The following TRIM24 variants were observed in gnomAD, a reference collection of about 807,000 sequenced individuals.
TRIM24 encodes the protein tripartite motif containing 24, also known as transcription intermediary factor 1-alpha.
TRIM24 carries 29 observed loss-of-function variants against 123.9 expected under a neutral mutation model. The ratio of observed to expected loss-of-function variants is 0.23; its 90% CI spans 0.17 to 0.32. TRIM24 has a LOEUF of 0.32. TRIM24 is among the 10% of genes least tolerant of loss of function. TRIM24 has a pLI of 1.00. For missense variants in TRIM24, 932 were observed against 1,295.3 expected (o/e 0.72, Z 4.31); for synonymous variants, 456 against 461.1 (o/e 0.99, Z 0.14).
At chr7:138,467,919 A>G (rs117593251) in intron 1 of TRIM24, among the ~76,000 whole-genome samples, 1,971 of 151,266 alleles carry the variant, frequency 0.013, 23 homozygotes, top group Non-Finnish European at 0.018. Context: ...TGTTTCAAGG[A>G]CTCCTTAGGA....
Position 138,466,373 on chromosome 7 carries a change from A to G in TRIM24, c.364+5461A>G, listed in dbSNP as rs757776892. On this transcript the variant is annotated intron_variant, in intron 1 of 18. Coordinates refer to ENST00000343526, the MANE Select transcript of TRIM24 (RefSeq NM_015905.3). The stretch of plus-strand genomic sequence containing the variant: ...GTTTTGGTTTTCATTTCTCTGATGA[A>G]TAATGATGAGCATCTTTTCTTGTGC... Among the ~76,000 whole-genome samples, 3 of 152,002 alleles carry G rather than the reference A, an allele frequency of 2.0e-5. No individual in the cohort carries two copies. The South Asian group carries it at 6.2e-4, about 31-fold the overall frequency.
intron 7 of TRIM24, among the ~76,000 whole-genome samples, chr7:138,547,256 AG>A (rs2116623790): frequency 6.6e-6 from 1 of 152,300 alleles, no homozygotes; most frequent in East Asian, 1.9e-4. Context: ...GGGTATTGGA[AG>A]GGATGTTGAT....
At chr7:138,547,200 C>T (rs1291952784) in intron 7 of TRIM24, among the ~76,000 whole-genome samples, 3 of 152,100 alleles carry the variant, frequency 2.0e-5, no homozygotes, top group Admixed American at 2.0e-4. Context: ...AAAAGTTAAA[C>T]TCAGAGAGAG....
intron 1 of TRIM24, among the ~76,000 whole-genome samples, chr7:138,501,326 G>T (rs1054730176): frequency 2.6e-5 from 4 of 152,026 alleles, no homozygotes; most frequent in Non-Finnish European, 4.4e-5. Context: ...GCCTCCTGGG[G>T]TTCAAGCAGT....
Position 138,584,849 on chromosome 7 carries a change from T to C in TRIM24, c.3051T>C (p.Asn1017=). The C allele has an allele frequency of 1.9e-6, 3 of 1,613,832 alleles. No homozygotes were observed. Among genetic ancestry groups the C allele is most frequent in the South Asian group, 1.1e-5 (1 of 91,002 alleles). The change falls in exon 19 of 19, where the codon AAT becomes AAC. Residue 1017 remains asparagine, a synonymous_variant. Coordinates refer to ENST00000343526, the MANE Select transcript of TRIM24 (RefSeq NM_015905.3). Reference sequence around the variant, plus strand: ...GGTTTCCCAAACCAGAATTCAGGAATGAATCAGAAGATAATAAATTTAGTG... The same window carrying C: ...GGTTTCCCAAACCAGAATTCAGGAACGAATCAGAAGATAATAAATTTAGTG... The part of the protein sequence containing the change: ...EKRFPKPEFR[N]ESEDNKFSDD...
chr7:138,505,509 G>T (rs5015570), intron 2 of TRIM24, among the ~76,000 whole-genome samples: 25,486 of 143,624 alleles, frequency 0.18, 2,283 homozygotes, highest in Middle Eastern at 0.23. Context: ...TGGGGGTGGT[G>T]GTTGTTGTTG....
In TRIM24 at chr7:138,572,997, C is replaced by T. The variant is rs142500350; in HGVS notation, c.1879-510C>T. 4.6e-5 allele frequency among the ~76,000 whole-genome samples: 7 copies of T among 152,342 alleles called. No homozygotes were observed. The East Asian group carries it at 1.3e-3, about 29-fold the overall frequency. On this transcript the variant is annotated intron_variant, in intron 11 of 18. Transcript: ENST00000343526. Reference sequence around the variant, plus strand: ...ATATATGGACTTCGTCTATTTAGCACATACCCAGAGTATCAGTTGTTAAAG... The same window carrying T: ...ATATATGGACTTCGTCTATTTAGCATATACCCAGAGTATCAGTTGTTAAAG...
Position 138,571,454 on chromosome 7 carries a change from TCTTTCAAGCCA to T in TRIM24, c.1878+453_1878+463del, listed in dbSNP as rs1211241755. Among the ~76,000 whole-genome samples, 5 of 152,324 alleles carry T rather than the reference TCTTTCAAGCCA, an allele frequency of 3.3e-5. No individual in the cohort carries two copies. The South Asian group carries it at 6.2e-4, about 19-fold the overall frequency. ...TGAACATTGGACACATAATCTAATG[TCTTTCAAGCCA>T]CCGGAGTTAAAGGTGTTTGTAAATG... On this transcript the variant is annotated intron_variant, in intron 11 of 18. Transcript: ENST00000343526.
intron 1 of TRIM24, among the ~76,000 whole-genome samples, chr7:138,487,120 C>G (rs1795665130): frequency 6.6e-6 from 1 of 152,164 alleles, no homozygotes; most frequent in South Asian, 2.1e-4. Flanking sequence ...GGAGTTCACT[C>G]ATGATTTGGC....
intron 9 of TRIM24, among the ~76,000 whole-genome samples, chr7:138,563,319 C>T (rs1223812706): frequency 6.6e-6 from 1 of 152,146 alleles, no homozygotes; most frequent in Non-Finnish European, 1.5e-5. Flanking sequence ...CTTCACTGCC[C>T]TCTGGACACT....
At chr7:138,530,968 T>C (rs1029633985) in intron 6 of TRIM24, among the ~76,000 whole-genome samples, 5 of 152,078 alleles carry the variant, frequency 3.3e-5, no homozygotes, top group Admixed American at 1.3e-4. Flanking sequence ...TATTTTACTT[T>C]TTAGAGACAA....
At chr7:138,471,959 G>A (rs1250228183) in intron 1 of TRIM24, among the ~76,000 whole-genome samples, 3 of 152,010 alleles carry the variant, frequency 2.0e-5, no homozygotes, top group African/African-American at 7.3e-5. Flanking sequence ...TCTTACCAAA[G>A]GCAGCAGTGT....
At chr7:138,517,285 T>C (rs1796419964) in intron 3 of TRIM24, among the ~76,000 whole-genome samples, 1 of 152,202 alleles carries the variant, frequency 6.6e-6, no homozygotes, top group Admixed American at 6.5e-5. Flanking sequence ...CTTGTATTTA[T>C]CTAATTATCA....
chr7:138,512,811 T>C (rs1176408662), intron 2 of TRIM24, among the ~76,000 whole-genome samples: 1 of 152,154 alleles, frequency 6.6e-6, no homozygotes, highest in Non-Finnish European at 1.5e-5. Context: ...CTACCCCCAG[T>C]TTCTGCAGCC....
At chr7:138,516,032 G>C (rs1796386655) in intron 3 of TRIM24, among the ~76,000 whole-genome samples, 1 of 152,178 alleles carries the variant, frequency 6.6e-6, no homozygotes. Context: ...GGGCGCGGTG[G>C]CTCACGCCTG....
intron 17 of TRIM24, 123 bp from the exon 18 acceptor site, chr7:138,583,727 A>AT: frequency 4.2e-6 from 3 of 722,868 alleles, no homozygotes; most frequent in Non-Finnish European, 6.5e-6. Flanking sequence ...TTCTTTACTA[A>AT]TGGCAAATAG....
chr7:138,551,664 G>A (rs567753401), intron 8 of TRIM24, among the ~76,000 whole-genome samples: 13 of 152,178 alleles, frequency 8.5e-5, no homozygotes, highest in South Asian at 2.1e-4. Flanking sequence ...TAGGTGTCCT[G>A]TCCTGTCCTA....
chr7:138,577,642 A>G, intron 14 of TRIM24, 54 bp downstream of exon 14: 2 of 1,383,674 alleles, frequency 1.4e-6, no homozygotes, highest in Non-Finnish European at 1.9e-6. Context: ...AGGGTGAGAG[A>G]ATCTTTTAAA....
chr7:138,479,101 C>T (rs1795469277), intron 1 of TRIM24, among the ~76,000 whole-genome samples: 1 of 152,178 alleles, frequency 6.6e-6, no homozygotes, highest in South Asian at 2.1e-4. Context: ...ATTTCAGCTG[C>T]TTCCTAATTG....
Sources: allele counts gnomAD v4.1 joint callset (sites outside exome capture counted in the v4.1 genomes callset), GRCh38; gene constraint gnomAD v4.1.1; transcripts MANE v1.5; gene names NCBI Gene and HGNC (gene_info 2026-07-23, HGNC 2026-07-21).